The following CLDN16 variants were observed in gnomAD, a reference collection of about 807,000 sequenced individuals.
The protein encoded by CLDN16 is claudin 16.
Under a neutral mutation model 24.6 loss-of-function variants are expected in CLDN16, and 13 were observed. The ratio of observed to expected loss-of-function variants is 0.53; its 90% CI spans 0.34 to 0.84. CLDN16 has a LOEUF of 0.84. Among genes scored for constraint, CLDN16 ranks in the 40% least tolerant of loss-of-function variants. The pLI is 0.01. For synonymous variants in CLDN16, 116 were observed against 106.7 expected (o/e 1.09, Z -0.54); for missense variants, 298 against 292.7 (o/e 1.02, Z -0.13).
intron 1 of CLDN16, among the ~76,000 whole-genome samples, chr3:190,402,129 A>T (rs1718978129): frequency 6.6e-6 from 1 of 152,148 alleles, no homozygotes; most frequent in South Asian, 2.1e-4. Flanking sequence ...GAGGAAGTGG[A>T]TTCATTTCCT....
At chr3:190,300,626 G>A in the CLDN16 span, among the ~76,000 whole-genome samples, 1 of 152,090 alleles carries the variant, frequency 6.6e-6, no homozygotes, top group Non-Finnish European at 1.5e-5. Context: ...TTGCTCTCTG[G>A]TCATTTACAG....
At chr3:190,402,149 A>G (rs1441892658) in intron 1 of CLDN16, among the ~76,000 whole-genome samples, 188 bp from the exon 2 acceptor site, 1 of 152,204 alleles carries the variant, frequency 6.6e-6, no homozygotes, top group East Asian at 1.9e-4. Context: ...TGGCCCAGAA[A>G]GGCTTCAATT....
At chr3:190,291,024 G>T in the CLDN16 span, among the ~76,000 whole-genome samples, 4,841 of 152,224 alleles carry the variant, frequency 0.032, 99 homozygotes, top group Non-Finnish European at 0.05. Context: ...CTATATGATG[G>T]TCTTGGGAAG....
intron 3 of CLDN16, among the ~76,000 whole-genome samples, chr3:190,378,005 T>C (rs1191445944): frequency 6.6e-6 from 1 of 152,000 alleles, no homozygotes; most frequent in African/African-American, 2.4e-5. Flanking sequence ...TGCATAGTGT[T>C]ATTTAGGACC....
At chr3:190,365,582 T>C (rs1178774223) in intron 1 of CLDN16, among the ~76,000 whole-genome samples, 2 of 149,580 alleles carry the variant, frequency 1.3e-5, no homozygotes, top group African/African-American at 4.9e-5. Flanking sequence ...GCCTCACAAC[T>C]CTAATACTAT....
intron 1 of CLDN16, among the ~76,000 whole-genome samples, chr3:190,362,366 A>T (rs1043341328): frequency 6.6e-6 from 1 of 151,898 alleles, no homozygotes; most frequent in Non-Finnish European, 1.5e-5. Flanking sequence ...GATCCCACCC[A>T]GGAACAGAAG....
chr3:190,322,204 C>G (rs767722061), upstream of CLDN16: 3 of 1,613,450 alleles, frequency 1.9e-6, no homozygotes, highest in South Asian at 3.3e-5. Flanking sequence ...CCGCGTTGGC[C>G]ATGACTCGCT....
At chr3:190,364,828 C>CT (rs796856226) in intron 1 of CLDN16, among the ~76,000 whole-genome samples, 31 of 146,736 alleles carry the variant, frequency 2.1e-4, no homozygotes, top group Middle Eastern at 3.5e-3. Flanking sequence ...TGAGCGTTGT[C>CT]TTTTTTTTTT....
intron 3 of CLDN16, among the ~76,000 whole-genome samples, chr3:190,380,098 C>A (rs932183812): frequency 2.0e-5 from 3 of 149,580 alleles, no homozygotes; most frequent in African/African-American, 7.5e-5. Context: ...CTGACATATT[C>A]TCTACTTGGT....
chr3:190,380,214 C>T (rs202205321), intron 3 of CLDN16, among the ~76,000 whole-genome samples: 4 of 11,574 alleles, frequency 3.5e-4, no homozygotes, highest in African/African-American at 5.5e-4. Context: ...CTTCCTTCCT[C>T]CCTTCCTTCC....
At chr3:190,327,757 CAG>C (rs775317535) in intron 1 of CLDN16, among the ~76,000 whole-genome samples, 3 of 152,166 alleles carry the variant, frequency 2.0e-5, no homozygotes, top group Non-Finnish European at 4.4e-5. Flanking sequence ...GCCACCAAAT[CAG>C]AGTCATATCA....
chr3:190,326,583 G>A (rs900564305), intron 1 of CLDN16, among the ~76,000 whole-genome samples: 3 of 152,178 alleles, frequency 2.0e-5, no homozygotes, highest in Middle Eastern at 3.2e-3. Context: ...GGAGAATGGC[G>A]ATGTGATATC....
intron 1 of CLDN16, among the ~76,000 whole-genome samples, chr3:190,364,679 C>CCTGCA (rs1439644124): frequency 3.9e-5 from 6 of 151,900 alleles, no homozygotes; most frequent in Non-Finnish European, 7.4e-5. Context: ...GGTAAGGCTG[C>CCTGCA]CTGCACTGCA....
intron 1 of CLDN16, among the ~76,000 whole-genome samples, chr3:190,364,209 G>A (rs976575793): frequency 6.6e-6 from 1 of 151,526 alleles, no homozygotes; most frequent in Non-Finnish European, 1.5e-5. Flanking sequence ...GTATTGCAGT[G>A]GTATATGGCT....
chr3:190,382,068 C>T (rs1211370577), intron 3 of CLDN16, among the ~76,000 whole-genome samples: 1 of 151,218 alleles, frequency 6.6e-6, no homozygotes, highest in Non-Finnish European at 1.5e-5. Context: ...CCAATTCAGA[C>T]AGATTCATTT....
chr3:190,326,969 T>A (rs958308278), intron 1 of CLDN16, among the ~76,000 whole-genome samples: 1 of 152,198 alleles, frequency 6.6e-6, no homozygotes, highest in Non-Finnish European at 1.5e-5. Context: ...TTACTTGTAA[T>A]CTCTTTAATA....
At chr3:190,294,119 C>G in the CLDN16 span, among the ~76,000 whole-genome samples, 1 of 152,130 alleles carries the variant, frequency 6.6e-6, no homozygotes, top group South Asian at 2.1e-4. Context: ...GGGATTTACC[C>G]TAATCTGGGG....
chr3:190,386,453 A>C (rs573597142), upstream of CLDN16, among the ~76,000 whole-genome samples: 1 of 152,240 alleles, frequency 6.6e-6, no homozygotes, highest in African/African-American at 2.4e-5. Context: ...TACACACACT[A>C]TACGCAACAG....
intron 1 of CLDN16, among the ~76,000 whole-genome samples, chr3:190,398,103 G>A (rs549117529): frequency 1.2e-4 from 18 of 152,306 alleles, no homozygotes; most frequent in Admixed American, 4.6e-4. Flanking sequence ...TGAACTGGAT[G>A]CAGCGTGTTC....
Sources: allele counts gnomAD v4.1 joint callset (sites outside exome capture counted in the v4.1 genomes callset), GRCh38; gene constraint gnomAD v4.1.1; transcripts MANE v1.5; gene names NCBI Gene and HGNC (gene_info 2026-07-23, HGNC 2026-07-21).